LSAMP: variants seen among roughly 807,000 people sequenced by gnomAD.
The protein encoded by LSAMP is limbic system-associated membrane protein.
A neutral mutation model predicts 38.6 loss-of-function variants in LSAMP; 7 were observed. That is an observed-to-expected ratio of 0.18 (90% CI 0.10 to 0.34). The LOEUF (loss-of-function observed/expected upper bound fraction) is 0.34. Ranked by LOEUF, LSAMP falls within the 10% of genes least tolerant of loss-of-function variation. LSAMP has a pLI of 1.00. For missense variants in LSAMP, 313 were observed against 420.0 expected, an observed-to-expected ratio of 0.75 and a Z score of 2.23; for synonymous variants, 154 against 166.8, an observed-to-expected ratio of 0.92 and a Z score of 0.59.
At chr3:116,179,760 C>A (rs781294899) in intron 1 of LSAMP, among the ~76,000 whole-genome samples, 3 of 152,112 alleles carry the variant, frequency 2.0e-5, no homozygotes, top group Non-Finnish European at 2.9e-5. Flanking sequence ...CCTCTTCCAA[C>A]ACTGAGGATT....
chr3:115,922,424 AATAT>A (rs35783484), intron 3 of LSAMP, among the ~76,000 whole-genome samples: 4 of 151,868 alleles, frequency 2.6e-5, no homozygotes, highest in Admixed American at 2.6e-4. Context: ...TTGGTTTTCA[AATAT>A]ATATATTTCT....
intron 1 of LSAMP, among the ~76,000 whole-genome samples, chr3:116,313,949 G>A (rs1273677033): frequency 6.6e-6 from 1 of 152,206 alleles, no homozygotes; most frequent in Admixed American, 6.5e-5. Context: ...GTGAAACTCA[G>A]TCTCAAAAAC....
intron 1 of LSAMP, among the ~76,000 whole-genome samples, chr3:116,377,233 C>T (rs1409010518): frequency 6.6e-6 from 1 of 151,946 alleles, no homozygotes; most frequent in African/African-American, 2.4e-5. Context: ...CCTTCCCCAA[C>T]CCCACCCTTC....
rs920529856 is a variant in LSAMP at position 115,819,075 on chromosome 3, G to A, written c.920-8661C>T. Among the ~76,000 whole-genome samples the A allele has an allele frequency of 3.3e-5, 5 of 151,464 alleles. No homozygotes were observed. In the East Asian group the frequency reaches 5.9e-4, roughly 18 times the overall value. On this transcript the variant is annotated intron_variant, in intron 6 of 6. Coordinates refer to ENST00000490035, the MANE Select transcript of LSAMP (RefSeq NM_002338.5). ...TGAGGCAGGAGAATCACTTGAACCC[G>A]GGAGGCGGAGGTTGCAGTGAGCCGA... is the stretch of plus-strand genomic sequence containing the variant.
intron 1 of LSAMP, among the ~76,000 whole-genome samples, chr3:116,381,056 A>G (rs1002599081): frequency 6.6e-6 from 1 of 152,070 alleles, no homozygotes; most frequent in Non-Finnish European, 1.5e-5. Context: ...ACTCATATGG[A>G]AAGAGGTATT....
intron 1 of LSAMP, among the ~76,000 whole-genome samples, chr3:116,216,448 C>G (rs747198470): frequency 7.2e-5 from 11 of 151,764 alleles, no homozygotes; most frequent in Non-Finnish European, 1.0e-4. Context: ...TCAAATTAGT[C>G]TATTTTTCCT....
chr3:116,164,572 A>AAT (rs201749997), intron 1 of LSAMP, among the ~76,000 whole-genome samples: 8 of 102,374 alleles, frequency 7.8e-5, no homozygotes, highest in African/African-American at 3.3e-4. Flanking sequence ...CACTAATCCA[A>AAT]ATATATATAT....
At chr3:116,375,184 C>CTAAGA (rs2048479276) in intron 1 of LSAMP, among the ~76,000 whole-genome samples, 1 of 151,776 alleles carries the variant, frequency 6.6e-6, no homozygotes, top group South Asian at 2.1e-4. Context: ...TATATGCTGA[C>CTAAGA]TAAGAGAAGA....
chr3:116,279,950 G>T (rs557064610), intron 1 of LSAMP, among the ~76,000 whole-genome samples: 2 of 152,014 alleles, frequency 1.3e-5, no homozygotes, highest in African/African-American at 4.8e-5. Flanking sequence ...TTCAATACCA[G>T]TTAAGAAACA....
intron 3 of LSAMP, among the ~76,000 whole-genome samples, chr3:115,885,100 A>G (rs1191979493): frequency 6.6e-6 from 1 of 152,040 alleles, no homozygotes; most frequent in Non-Finnish European, 1.5e-5. Context: ...AGGGAAAAAC[A>G]CAAATGAGAA....
At chr3:116,193,363 T>G (rs1052171422) in intron 1 of LSAMP, among the ~76,000 whole-genome samples, 12 of 152,198 alleles carry the variant, frequency 7.9e-5, no homozygotes, top group Non-Finnish European at 1.5e-4. Context: ...TGGAGTTATT[T>G]GTCATAATAG....
Position 116,031,103 on chromosome 3 carries a change from A to G in LSAMP, c.389-11463T>C, listed in dbSNP as rs537201163. Among the ~76,000 whole-genome samples the G allele has an allele frequency of 9.8e-5, 15 of 152,312 alleles. No homozygotes were observed. In the South Asian group the frequency reaches 2.5e-3, roughly 25 times the overall value. ...TTAGCTATTAAGATAATATGATAAA[A>G]GATAAGTCATTATATCAAAAGCAAG... On this transcript the variant is annotated intron_variant, in intron 2 of 6. Transcript: ENST00000490035.
In LSAMP at chr3:116,241,159, A is replaced by C. The variant is rs537012689; in HGVS notation, c.156-154603T>G. On this transcript the variant is annotated intron_variant, in intron 1 of 6. Coordinates refer to ENST00000490035, the MANE Select transcript of LSAMP (RefSeq NM_002338.5). Reference sequence around the variant, plus strand: ...ACCACTGCACTCCAGCCTGGGTAACAAGTGTGAAACTCCATTTAAAAAAAA... The same window carrying C: ...ACCACTGCACTCCAGCCTGGGTAACCAGTGTGAAACTCCATTTAAAAAAAA... 2.0e-5 allele frequency among the ~76,000 whole-genome samples: 3 copies of C among 151,844 alleles called. 1 individual carries two copies. In the South Asian group the frequency reaches 6.3e-4, roughly 32 times the overall value.
chr3:116,092,414 A>G (rs1576357739), intron 1 of LSAMP, among the ~76,000 whole-genome samples: 3 of 152,306 alleles, frequency 2.0e-5, no homozygotes, highest in African/African-American at 7.2e-5. Flanking sequence ...AAAAAAAAGT[A>G]TAACATCCTA....
intron 2 of LSAMP, among the ~76,000 whole-genome samples, chr3:116,063,744 A>T (rs1408521838): frequency 2.6e-5 from 4 of 152,190 alleles, no homozygotes; most frequent in Admixed American, 6.5e-5. Flanking sequence ...ATTTTAAAAT[A>T]ATGACAGTTT....
intron 3 of LSAMP, among the ~76,000 whole-genome samples, chr3:115,921,016 C>T (rs547472141): frequency 6.2e-4 from 95 of 152,178 alleles, no homozygotes; most frequent in African/African-American, 2.1e-3. Flanking sequence ...AATATGGCCA[C>T]TCCTGCTCTC....
At chr3:116,052,233 A>C (rs549851850) in intron 2 of LSAMP, among the ~76,000 whole-genome samples, 63 of 152,238 alleles carry the variant, frequency 4.1e-4, no homozygotes, top group Middle Eastern at 3.4e-3. Flanking sequence ...GAGAAAAGGA[A>C]GGAGGAGGAC....
chr3:116,117,022 T>G (rs912484455), intron 1 of LSAMP, among the ~76,000 whole-genome samples: 2 of 152,166 alleles, frequency 1.3e-5, no homozygotes, highest in Non-Finnish European at 2.9e-5. Flanking sequence ...CTGTCCAAAT[T>G]TCTGAATCTT....
chr3:116,104,364 ATGT>A (rs1205774747), intron 1 of LSAMP, among the ~76,000 whole-genome samples: 2 of 151,918 alleles, frequency 1.3e-5, no homozygotes, highest in East Asian at 1.9e-4. Context: ...TGGGAGGCTA[ATGT>A]TGTTAGATGC....
Sources: gnomAD v4.1 joint callset for allele counts (sites outside exome capture counted in the v4.1 genomes callset) on GRCh38, gnomAD v4.1.1 for gene constraint, MANE v1.5 for transcripts, NCBI Gene and HGNC (gene_info 2026-07-23, HGNC 2026-07-21) for gene names.